GABRB3: variants seen among roughly 807,000 people sequenced by gnomAD.
The protein encoded by GABRB3 is gamma-aminobutyric acid type A receptor subunit beta3.
In GABRB3, 14 loss-of-function variants were observed where a neutral mutation model predicts 52.1. That is an observed-to-expected ratio of 0.27 (90% CI 0.18 to 0.42). The LOEUF (loss-of-function observed/expected upper bound fraction) is 0.42. Among genes scored for constraint, GABRB3 ranks in the 10% least tolerant of loss-of-function variants. The probability of loss-of-function intolerance (pLI) is 1.00; values close to 1 mark genes in which losing one functional copy is unlikely to be tolerated. For missense variants in GABRB3, 307 were observed against 609.1 expected (o/e 0.50, Z 5.22); for synonymous variants, 260 against 232.3 (o/e 1.12, Z -1.08).
intron 3 of GABRB3, among the ~76,000 whole-genome samples, chr15:26,688,218 G>A (rs1888467994): frequency 6.6e-6 from 1 of 152,152 alleles, no homozygotes; most frequent in African/African-American, 2.4e-5. Context: ...GGACGACTGT[G>A]CTGGGCACAG....
chr15:26,657,403 A>C (rs1479169067), intron 3 of GABRB3: 1 of 152,210 alleles, frequency 6.6e-6, no homozygotes, highest in Non-Finnish European at 1.5e-5. Flanking sequence ...TGAAACATTA[A>C]CACATGAATA....
At chr15:26,653,715 T>A (rs1887272897) in intron 3 of GABRB3, among the ~76,000 whole-genome samples, 1 of 152,234 alleles carries the variant, frequency 6.6e-6, no homozygotes, top group Non-Finnish European at 1.5e-5. Flanking sequence ...TTAGGTCAGA[T>A]CTTTTTCACC....
At chr15:26,607,855 T>G (rs1016481733) in intron 4 of GABRB3, among the ~76,000 whole-genome samples, 2 of 152,020 alleles carry the variant, frequency 1.3e-5, no homozygotes, top group African/African-American at 2.4e-5. Flanking sequence ...TATATCTGTA[T>G]TAGAAGGATT....
intron 4 of GABRB3, among the ~76,000 whole-genome samples, chr15:26,619,633 C>T (rs1366455897): frequency 6.6e-6 from 1 of 151,196 alleles, no homozygotes. Context: ...CTAACCTGCA[C>T]ATTATGCACA....
intron 3 of GABRB3, among the ~76,000 whole-genome samples, chr15:26,748,632 TGGGGGG>T (rs1566828336): frequency 2.0e-5 from 3 of 152,216 alleles, no homozygotes; most frequent in Non-Finnish European, 2.9e-5. Context: ...TAATTGATTT[TGGGGGG>T]CAAGATAAAA....
chr15:26,560,439 A>G (rs550390184), intron 8 of GABRB3, among the ~76,000 whole-genome samples: 1 of 152,216 alleles, frequency 6.6e-6, no homozygotes, highest in Non-Finnish European at 1.5e-5. Context: ...AAATGCCCTC[A>G]CCCAAATTCA....
chr15:26,657,451 T>TC (rs1887409272), intron 3 of GABRB3: 1 of 152,172 alleles, frequency 6.6e-6, no homozygotes, highest in African/African-American at 2.4e-5. Context: ...ACCTGTACGG[T>TC]CTAAATCTAC....
At chr15:26,624,781 GA>G (rs780684356) in intron 3 of GABRB3, 143 of 985,504 alleles carry the variant, frequency 1.5e-4, no homozygotes, top group Middle Eastern at 5.2e-4. Flanking sequence ...GCAACAAAGG[GA>G]AGGGGGTGGT....
rs1483217161 is a variant in GABRB3, at chr15:26,545,049, T to A, written c.*2744A>T. The A allele has an allele frequency of 6.6e-6, 1 of 152,652 alleles. No homozygotes were observed. Among genetic ancestry groups the A allele is most frequent in the Non-Finnish European group, 1.5e-5 (1 of 68,040 alleles). The allele number at this position is 152,652 out of a possible 1,614,324, so 9.5% of individuals were successfully genotyped here. ...AACACAGTCAGAGTTCTCTTCTCAA[T>A]GCTCTCACAAGTTTTAAAAATGGAG... is the stretch of plus-strand genomic sequence containing the variant. On this transcript the variant is annotated 3_prime_UTR_variant, in exon 9 of 9. Transcript: ENST00000311550.
chr15:26,688,102 G>A (rs935328705), intron 3 of GABRB3, among the ~76,000 whole-genome samples: 1 of 152,148 alleles, frequency 6.6e-6, no homozygotes, highest in Non-Finnish European at 1.5e-5. Flanking sequence ...TCATTTGAGT[G>A]GAAAGCTCAA....
chr15:26,733,781 G>T (rs1355254664), intron 3 of GABRB3, among the ~76,000 whole-genome samples: 1 of 152,120 alleles, frequency 6.6e-6, no homozygotes, highest in African/African-American at 2.4e-5. Context: ...CAGACACACA[G>T]ATCAGACCAG....
At chr15:26,725,095 A>G (rs1329472448) in intron 3 of GABRB3, among the ~76,000 whole-genome samples, 1 of 152,066 alleles carries the variant, frequency 6.6e-6, no homozygotes, top group Admixed American at 6.6e-5. Context: ...CTGTCCCCCC[A>G]TCACAGTGCC....
In GABRB3 at chr15:26,696,435, A is replaced by G. The variant is rs192538303; in HGVS notation, c.241-74901T>C. The stretch of plus-strand genomic sequence containing the variant: ...AATAAACTGAGGCCCGATGACGTAG[A>G]GCAGAAAGGTGCAGGATTGCACTCC... On this transcript the variant is annotated intron_variant, in intron 3 of 8. Coordinates refer to ENST00000311550, the MANE Select transcript of GABRB3 (RefSeq NM_000814.6). Among the ~76,000 whole-genome samples the G allele has an allele frequency of 6.8e-4, 103 of 152,284 alleles. 1 individual carries two copies. Among genetic ancestry groups the G allele is most frequent in the African/African-American group, 2.3e-3 (97 of 41,562 alleles).
chr15:26,735,550 T>C (rs1251115640), intron 3 of GABRB3, among the ~76,000 whole-genome samples: 2 of 152,096 alleles, frequency 1.3e-5, no homozygotes, highest in South Asian at 2.1e-4. Context: ...GATAAACAAA[T>C]TGTGGTATAT....
chr15:26,633,076 C>T (rs1482500093), intron 3 of GABRB3, among the ~76,000 whole-genome samples: 1 of 152,138 alleles, frequency 6.6e-6, no homozygotes, highest in Non-Finnish European at 1.5e-5. Context: ...AATCCCAGCC[C>T]AATGGTGTAG....
intron 3 of GABRB3, among the ~76,000 whole-genome samples, chr15:26,673,112 C>A (rs778119602): frequency 4.6e-5 from 7 of 152,226 alleles, no homozygotes; most frequent in African/African-American, 1.7e-4. Flanking sequence ...AAATTCCAAA[C>A]AAGCCGGGCA....
intron 8 of GABRB3, among the ~76,000 whole-genome samples, chr15:26,554,193 ATATATAT>A (rs1889659062): frequency 1.4e-5 from 1 of 69,424 alleles, no homozygotes; most frequent in African/African-American, 5.3e-5. Context: ...TATATATACT[ATATATAT>A]ATATATATAG....
chr15:26,589,595 A>G (rs1891118539), intron 4 of GABRB3, among the ~76,000 whole-genome samples: 1 of 151,708 alleles, frequency 6.6e-6, no homozygotes, highest in African/African-American at 2.4e-5. Flanking sequence ...GAACTAAACA[A>G]TCTTGGTCTC....
chr15:26,567,892 A>G (rs1262125850), intron 6 of GABRB3, among the ~76,000 whole-genome samples, 159 bp from the exon 7 acceptor site: 1 of 152,210 alleles, frequency 6.6e-6, no homozygotes, highest in Non-Finnish European at 1.5e-5. Context: ...AGCGGTATTT[A>G]TAGAAGAATT....
Sources: allele counts gnomAD v4.1 joint callset (sites outside exome capture counted in the v4.1 genomes callset), GRCh38; gene constraint gnomAD v4.1.1; transcripts MANE v1.5; gene names NCBI Gene and HGNC (gene_info 2026-07-23, HGNC 2026-07-21).